The following PTP4A1 variants were observed in gnomAD, a reference collection of about 807,000 sequenced individuals.
The protein encoded by PTP4A1 is protein tyrosine phosphatase type IVA 1.
PTP4A1 carries 9 observed loss-of-function variants against 20.5 expected under a neutral mutation model. The ratio of observed to expected loss-of-function variants is 0.44; its 90% confidence interval spans 0.26 to 0.77. PTP4A1 has a LOEUF of 0.77. Ranked by LOEUF, PTP4A1 falls within the 30% of genes least tolerant of loss-of-function variation. The probability of loss-of-function intolerance (pLI) is 0.19; values close to 1 mark genes in which losing one functional copy is unlikely to be tolerated. For missense variants in PTP4A1, 137 were observed against 218.8 expected (o/e 0.63, Z 2.36); for synonymous variants, 78 against 67.4 (o/e 1.16, Z -0.77).
At chr6:63,549,111 G>C (rs1174991286) in intron 2 of PTP4A1, 1 of 701,456 alleles carries the variant, frequency 1.4e-6, no homozygotes, top group South Asian at 1.5e-5. Flanking sequence ...AAGGACAGGT[G>C]GTCTCTTAGT....
At chr6:63,560,419 T>C (rs1189944345) in intron 3 of PTP4A1, among the ~76,000 whole-genome samples, 2 of 151,132 alleles carry the variant, frequency 1.3e-5, no homozygotes, top group Non-Finnish European at 2.9e-5. Flanking sequence ...TTTTTTTTCT[T>C]GAGACAGAGT....
intron 2 of PTP4A1, among the ~76,000 whole-genome samples, chr6:63,531,673 G>A (rs1043176719): frequency 2.6e-5 from 4 of 151,816 alleles, no homozygotes; most frequent in Middle Eastern, 3.2e-3. Flanking sequence ...ATACTTTTTT[G>A]TAGGGATGGG....
chr6:63,549,460 GC>G, intron 2 of PTP4A1: 1 of 792,474 alleles, frequency 1.3e-6, no homozygotes, highest in Non-Finnish European at 2.2e-6. Context: ...CTTCACGACA[GC>G]AGGGCCGGAG....
At position 63,537,883 on chromosome 6, in the gene PTP4A1, T is replaced by G. The variant is rs192966538; in HGVS notation, c.-640+9799T>G. ...GGCCACGGCCGTAGTGAGAGAGAAG[T>G]TGGGGAGAATCCTACCAATGGAATA... On this transcript the variant is annotated intron_variant, in intron 2 of 3. Transcript: ENST00000639568. Among the ~76,000 whole-genome samples, 166 of 152,134 alleles carry G rather than the reference T, an allele frequency of 1.1e-3. 1 individual carries two copies. The highest frequency in any genetic ancestry group is 3.7e-3 in the African/African-American group (153 of 41,492).
At chr6:63,521,234 G>GA (rs1026323989), upstream of PTP4A1, among the ~76,000 whole-genome samples, 17 of 148,708 alleles carry the variant, frequency 1.1e-4, no homozygotes, top group African/African-American at 3.5e-4. Context: ...TAAAATAAAA[G>GA]AAAAAAAAAT....
chr6:63,580,342 G>A lies in PTP4A1; in HGVS notation c.*168G>A. 1.7e-6 allele frequency: 1 copy of A among 586,514 alleles called. No homozygotes were observed. Among genetic ancestry groups the A allele is most frequent in the Non-Finnish European group, 3.0e-6 (1 of 329,034 alleles). The allele number at this position is 586,514 out of a possible 1,614,324, so 36.3% of individuals were successfully genotyped here. On this transcript the variant is annotated 3_prime_UTR_variant, in exon 6 of 6. Transcript: ENST00000626021. ...GACAGATTTGGCAACCTCTGTATTT[G>A]GGTTACAGTCAACCTATTTGGATAC...
chr6:63,567,185 C>T (rs916799900), intron 3 of PTP4A1, among the ~76,000 whole-genome samples: 1 of 152,210 alleles, frequency 6.6e-6, no homozygotes, highest in Non-Finnish European at 1.5e-5. Flanking sequence ...GATACTTTTA[C>T]CTCCTCTCAT....
intron 4 of PTP4A1, 98 bp from the exon 5 acceptor site, chr6:63,579,159 T>C (rs1778059694): frequency 3.6e-6 from 5 of 1,382,664 alleles, no homozygotes; most frequent in Non-Finnish European, 4.9e-6. Context: ...ATAGGAAGGG[T>C]GGTAGATAAT....
chr6:63,547,275 C>T (rs560457218), intron 2 of PTP4A1, among the ~76,000 whole-genome samples: 5 of 149,844 alleles, frequency 3.3e-5, no homozygotes, highest in Admixed American at 6.7e-5. Flanking sequence ...CTGCAACCTG[C>T]GCCTCCCAGG....
At chr6:63,575,598 C>T (rs775149192) in intron 1 of PTP4A1, among the ~76,000 whole-genome samples, 8 of 152,038 alleles carry the variant, frequency 5.3e-5, no homozygotes, top group Non-Finnish European at 1.0e-4. Context: ...TCCCTTTGTC[C>T]GCCTTCTCTG....
chr6:63,580,061 C>T lies in PTP4A1; in HGVS notation c.409C>T (p.Arg137Trp). 1 of 1,591,270 alleles carries T rather than the reference C, an allele frequency of 6.3e-7. No homozygotes were observed. Among genetic ancestry groups the T allele is most frequent in the Non-Finnish European group, 8.6e-7 (1 of 1,169,550 alleles). Residue 137 changes from arginine (R) to tryptophan (W), a missense_variant, in exon 6 of 6, where the codon CGG (arginine) becomes TGG (tryptophan). Arg to Trp is a moderately radical substitution (Grantham distance 101). Transcript: ENST00000626021. ...TTTTTTTTTTTTTCCTCCCAGAAAG[C>T]GGCGTGGAGCTTTTAACAGCAAGCA... ...EDAVQFIRQKRRGAFNSKQLL... is the reference protein window; with the variant it reads ...EDAVQFIRQKWRGAFNSKQLL...
At chr6:63,579,973 AGAGGT>A (rs1778118598) in intron 5 of PTP4A1, 79 bp from the exon 6 acceptor site, 6 of 958,420 alleles carry the variant, frequency 6.3e-6, no homozygotes, top group Non-Finnish European at 9.6e-6. Flanking sequence ...TTGCCACAAG[AGAGGT>A]GATGGTTGTC....
At chr6:63,579,780 A>G (rs1022621610) in intron 5 of PTP4A1, among the ~76,000 whole-genome samples, 1 of 152,200 alleles carries the variant, frequency 6.6e-6, no homozygotes, top group Non-Finnish European at 1.5e-5. Context: ...TGACTTCACT[A>G]TAAATTAGTT....
chr6:63,569,963 A>G (rs1227008249), upstream of PTP4A1, among the ~76,000 whole-genome samples: 1 of 152,230 alleles, frequency 6.6e-6, no homozygotes, highest in Non-Finnish European at 1.5e-5. Flanking sequence ...CTGCAGCTTA[A>G]AAGTATTAAA....
intron 1 of PTP4A1, among the ~76,000 whole-genome samples, chr6:63,524,943 A>G (rs1436736848): frequency 1.3e-5 from 2 of 152,232 alleles, no homozygotes; most frequent in Admixed American, 6.5e-5. Flanking sequence ...TTTTTATGAA[A>G]AAACTTAAGA....
intron 2 of PTP4A1, among the ~76,000 whole-genome samples, chr6:63,542,110 A>G (rs1332531513): frequency 6.6e-6 from 1 of 151,736 alleles, no homozygotes; most frequent in Non-Finnish European, 1.5e-5. Context: ...GAATAAATTA[A>G]TGGCATTCAC....
At chr6:63,516,498 C>A in the PTP4A1 span, among the ~76,000 whole-genome samples, 3 of 152,200 alleles carry the variant, frequency 2.0e-5, no homozygotes, top group Non-Finnish European at 2.9e-5. Context: ...AGCTTTGAAT[C>A]TTGACTCCAC....
chr6:63,529,161 G>A lies in PTP4A1; in HGVS notation c.-640+1077G>A, dbSNP rs1025832862. Among the ~76,000 whole-genome samples, 7 of 102,144 alleles carry A rather than the reference G, an allele frequency of 6.9e-5. 1 individual carries two copies. Among genetic ancestry groups the A allele is most frequent in the African/African-American group, 3.0e-4 (6 of 19,868 alleles). 67.0% of individuals were successfully genotyped at this position (102,144 alleles called of 152,430 possible). ...TGTATATATATATGTATATATATGT[G>A]TGTATATATATATATGTATATATAT... On this transcript the variant is annotated intron_variant, in intron 2 of 3. Transcript: ENST00000639568.
intron 2 of PTP4A1, among the ~76,000 whole-genome samples, chr6:63,540,190 A>G (rs906119437): frequency 2.0e-5 from 3 of 152,208 alleles, no homozygotes; most frequent in African/African-American, 7.2e-5. Flanking sequence ...GTGAATAAAC[A>G]AAATGTGGTA....
Sources: allele counts gnomAD v4.1 joint callset (sites outside exome capture counted in the v4.1 genomes callset), GRCh38; gene constraint gnomAD v4.1.1; transcripts MANE v1.5; gene names NCBI Gene and HGNC (gene_info 2026-07-23, HGNC 2026-07-21).